WDR75: variants seen among roughly 807,000 people sequenced by gnomAD.
WDR75 encodes WD repeat-containing protein 75.
Under a neutral mutation model 106.1 loss-of-function variants are expected in WDR75, and 52 were observed. That is an observed-to-expected ratio of 0.49 (90% CI 0.39 to 0.62). The LOEUF is 0.62. WDR75 is among the 20% of genes least tolerant of loss of function. The pLI is 0.00. For synonymous variants in WDR75, 333 were observed against 335.5 expected (o/e 0.99, Z 0.08); for missense variants, 905 against 970.3 (o/e 0.93, Z 0.89).
intron 11 of WDR75, 61 bp from the exon 12 acceptor site, chr2:189,465,018 G>T: frequency 8.2e-7 from 1 of 1,221,976 alleles, no homozygotes; most frequent in East Asian, 2.4e-5. Flanking sequence ...CTTGAATGCT[G>T]TAACATTTGT....
chr2:189,464,942 G>C (rs554351239), intron 11 of WDR75, 137 bp from the exon 12 acceptor site: 259 of 560,112 alleles, frequency 4.6e-4, no homozygotes, highest in African/African-American at 4.3e-3. Context: ...GTTCATTTTT[G>C]CCTTTATTTA....
chr2:189,462,830 T>C (rs1381669449), intron 9 of WDR75, among the ~76,000 whole-genome samples, 188 bp downstream of exon 9: 1 of 152,144 alleles, frequency 6.6e-6, no homozygotes, highest in Non-Finnish European at 1.5e-5. Flanking sequence ...GAATTCAACA[T>C]TTTTGAGAAT....
At position 189,462,545 on chromosome 2, in the gene WDR75, G is replaced by A. The variant is rs1246132994; in HGVS notation, c.840G>A (p.Glu280=). ...TTGTAGAGTGGCGCGATGCAACAGA[G>A]AAGAATAAGGAGTTTCTCCCGCGTT... ...SVLVEWRDAT[E]KNKEFLPRLG... The change falls in exon 9 of 21, where the codon GAG becomes GAA. Residue 280 remains glutamate, a synonymous_variant. Transcript: ENST00000314761. 2 of 1,613,966 alleles carry A rather than the reference G, an allele frequency of 1.2e-6. No individual in the cohort carries two copies. The highest frequency in any genetic ancestry group is 1.7e-6 in the Non-Finnish European group (2 of 1,179,994).
intron 15 of WDR75, among the ~76,000 whole-genome samples, chr2:189,468,771 G>A (rs1293487729): frequency 6.6e-6 from 1 of 152,122 alleles, no homozygotes; most frequent in Non-Finnish European, 1.5e-5. Flanking sequence ...TTGTTGGTAC[G>A]TCAGCTTCCA....
intron 18 of WDR75, among the ~76,000 whole-genome samples, chr2:189,472,790 T>C (rs993834810): frequency 6.6e-6 from 1 of 152,220 alleles, no homozygotes; most frequent in African/African-American, 2.4e-5. Context: ...AATGTAGAGA[T>C]TGAAAACCTA....
chr2:189,472,889 A>G (rs1687143730), intron 18 of WDR75, among the ~76,000 whole-genome samples: 6 of 151,158 alleles, frequency 4.0e-5, no homozygotes, highest in Admixed American at 4.0e-4. Flanking sequence ...GTATTCTTAC[A>G]ATAAAGTATG....
chr2:189,471,287 A>G (rs977117582), intron 18 of WDR75, among the ~76,000 whole-genome samples: 3 of 152,132 alleles, frequency 2.0e-5, no homozygotes, highest in African/African-American at 7.2e-5. Context: ...ACTCTGATCT[A>G]TTGACGCTGA....
At chr2:189,470,350 A>T (rs1687091871) in intron 17 of WDR75, 105 bp downstream of exon 17, 2 of 1,314,004 alleles carry the variant, frequency 1.5e-6, no homozygotes. Context: ...CAGCTTCATT[A>T]AAGGATTATT....
intron 18 of WDR75, among the ~76,000 whole-genome samples, chr2:189,472,999 C>G (rs934249616): frequency 6.6e-6 from 1 of 152,126 alleles, no homozygotes; most frequent in Non-Finnish European, 1.5e-5. Context: ...AGGTAGATCA[C>G]TTGAGGTCAG....
chr2:189,448,792 T>C (rs376967807), intron 2 of WDR75: 2 of 527,942 alleles, frequency 3.8e-6, no homozygotes, highest in Non-Finnish European at 7.6e-6. Context: ...TTGATTGTAA[T>C]CTTTTTAGGT....
At chr2:189,442,194 A>T (rs1045735938) in intron 1 of WDR75, among the ~76,000 whole-genome samples, 6 of 152,244 alleles carry the variant, frequency 3.9e-5, no homozygotes, top group African/African-American at 1.4e-4. Context: ...CATCATCTGT[A>T]AAGGGGGACA....
intron 2 of WDR75, chr2:189,449,230 A>G (rs1288249146): frequency 2.3e-6 from 3 of 1,300,340 alleles, no homozygotes; most frequent in African/African-American, 1.5e-5. Context: ...ATCCAATTCC[A>G]TTTTCCTGGA....
chr2:189,451,605 A>C (rs1192516457), intron 3 of WDR75, among the ~76,000 whole-genome samples, 200 bp from the exon 4 acceptor site: 1 of 152,248 alleles, frequency 6.6e-6, no homozygotes, highest in African/African-American at 2.4e-5. Context: ...CATTCAGTAC[A>C]ATACCATTTC....
intron 2 of WDR75, chr2:189,450,063 G>T (rs1686583947): frequency 1.0e-6 from 1 of 978,228 alleles, no homozygotes; most frequent in Non-Finnish European, 1.2e-6. Context: ...CCACAGACCA[G>T]TGTCCTAAAC....
At chr2:189,461,148 A>G (rs554281088) in intron 8 of WDR75, among the ~76,000 whole-genome samples, 1 of 152,228 alleles carries the variant, frequency 6.6e-6, no homozygotes, top group African/African-American at 2.4e-5. Context: ...AAAATTTGAT[A>G]AAAACCCCAT....
At chr2:189,449,444 T>C in intron 2 of WDR75, 1 of 1,207,632 alleles carries the variant, frequency 8.3e-7, no homozygotes, top group Non-Finnish European at 1.1e-6. Context: ...GACAAAAGTT[T>C]ATCGCTGTGT....
chr2:189,450,995 T>C lies in WDR75; in HGVS notation c.282+27T>C, dbSNP rs1440473010. The C allele has an allele frequency of 1.9e-6, 3 of 1,579,406 alleles. No individual in the cohort carries two copies. In the South Asian group the frequency reaches 3.6e-5, roughly 19 times the overall value. On this transcript the variant is annotated intron_variant, in intron 3 of 20. Transcript: ENST00000314761. ...TATGTGGATTGATCTTTACTTTTCG[T>C]TATGTGAATAAAAAAAGGCAATGTA...
chr2:189,455,210 C>T, intron 4 of WDR75, 110 bp from the exon 5 acceptor site: 3 of 1,341,658 alleles, frequency 2.2e-6, no homozygotes, highest in Non-Finnish European at 3.0e-6. Context: ...CACTGCACTC[C>T]AGCCTGGGCG....
intron 13 of WDR75, 55 bp downstream of exon 13, chr2:189,466,637 C>A (rs928896885): frequency 1.3e-6 from 2 of 1,533,824 alleles, no homozygotes; most frequent in Admixed American, 2.1e-5. Context: ...GAATTAATTT[C>A]TTTTTCTCAT....
Sources: gnomAD v4.1 joint callset for allele counts (sites outside exome capture counted in the v4.1 genomes callset) on GRCh38, gnomAD v4.1.1 for gene constraint, MANE v1.5 for transcripts, NCBI Gene and HGNC (gene_info 2026-07-23, HGNC 2026-07-21) for gene names.